The following PTN variants were observed in gnomAD, a reference collection of about 807,000 sequenced individuals.
The protein encoded by PTN is heparin affin regulatory protein.
Under a neutral mutation model 24.1 loss-of-function variants are expected in PTN, and 18 were observed. The ratio of observed to expected loss-of-function variants is 0.75; its 90% CI spans 0.52 to 1.11. The LOEUF is 1.11. Among genes scored for constraint, PTN ranks in the 50% least tolerant of loss-of-function variants. The pLI is 0.00. For missense variants in PTN, 163 were observed against 198.8 expected (o/e 0.82, Z 1.08); for synonymous variants, 78 against 68.6 (o/e 1.14, Z -0.67).
At position 137,253,444 on chromosome 7, in the gene PTN, C is replaced by T. The variant is rs192322475; in HGVS notation, c.289+20G>A. The T allele has an allele frequency of 1.9e-4, 308 of 1,583,228 alleles. 4 individuals are homozygous for T. The Admixed American group carries it at 5.3e-3, about 27-fold the overall frequency. On this transcript the variant is annotated intron_variant, in intron 3 of 4. Transcript: ENST00000348225. ...GAATTATCTCAGAGTAGGAGATTAA[C>T]TCAGTAGCATGAGGCTTACCGCCAA...
chr7:137,291,958 G>A (rs1005635338), intron 1 of PTN, among the ~76,000 whole-genome samples: 4 of 152,066 alleles, frequency 2.6e-5, no homozygotes, highest in African/African-American at 7.2e-5. Context: ...TAGATCCTTT[G>A]GCATCCTCCT....
intron 1 of PTN, among the ~76,000 whole-genome samples, chr7:137,296,766 T>C: frequency 6.6e-6 from 1 of 152,056 alleles, no homozygotes; most frequent in Non-Finnish European, 1.5e-5. Context: ...TAGCCCATAA[T>C]TGCACACTAG....
chr7:137,278,089 C>G (rs1354677084), intron 1 of PTN, among the ~76,000 whole-genome samples: 1 of 151,500 alleles, frequency 6.6e-6, no homozygotes, highest in Non-Finnish European at 1.5e-5. Context: ...GGGTGGATCA[C>G]GAGGTCAGGA....
At chr7:137,242,381 G>T (rs1563197036) in intron 4 of PTN, among the ~76,000 whole-genome samples, 1 of 152,178 alleles carries the variant, frequency 6.6e-6, no homozygotes, top group Non-Finnish European at 1.5e-5. Context: ...CAAGGATCTG[G>T]TAACAGCAGC....
intron 1 of PTN, among the ~76,000 whole-genome samples, chr7:137,277,023 A>G (rs569434554): frequency 4.1e-4 from 62 of 152,350 alleles, no homozygotes; most frequent in African/African-American, 1.4e-3. Context: ...TTATACAACT[A>G]TATGTTTACA....
chr7:137,236,586 T>C (rs1294517739), intron 4 of PTN, among the ~76,000 whole-genome samples: 1 of 152,128 alleles, frequency 6.6e-6, no homozygotes, highest in Non-Finnish European at 1.5e-5. Flanking sequence ...TAGACCACTC[T>C]CAAGATTTTA....
chr7:137,280,899 A>G (rs1464087824), intron 1 of PTN, among the ~76,000 whole-genome samples: 2 of 150,814 alleles, frequency 1.3e-5, no homozygotes, highest in African/African-American at 2.4e-5. Context: ...GGAAATTTTC[A>G]AAAAAATAAG....
At chr7:137,331,326 C>A (rs753726753) in intron 1 of PTN, among the ~76,000 whole-genome samples, 3 of 152,146 alleles carry the variant, frequency 2.0e-5, no homozygotes, top group African/African-American at 7.2e-5. Context: ...ATCTTCAAAT[C>A]CCCAGATATC....
intron 1 of PTN, among the ~76,000 whole-genome samples, chr7:137,311,888 C>A (rs1269114980): frequency 7.3e-6 from 1 of 137,642 alleles, no homozygotes; most frequent in African/African-American, 3.6e-5. Flanking sequence ...ACAAAGCGAC[C>A]ACATGCTGTT....
rs575939374 is a variant in PTN at position 137,275,441 on chromosome 7, A to G, written c.-1-20467T>C. Among the ~76,000 whole-genome samples the G allele has an allele frequency of 5.9e-5, 9 of 152,346 alleles. No individual in the cohort carries two copies. In the East Asian group the frequency reaches 1.7e-3, roughly 29 times the overall value. ...TAATATCCCAAGTTATGAGGGAGATACAGATGGGAATTACATGTGATATTA... is the reference window on the plus strand; with the variant it reads ...TAATATCCCAAGTTATGAGGGAGATGCAGATGGGAATTACATGTGATATTA... On this transcript the variant is annotated intron_variant, in intron 1 of 4. Transcript: ENST00000348225.
intron 1 of PTN, among the ~76,000 whole-genome samples, chr7:137,308,799 G>A (rs1809931368): frequency 6.6e-6 from 1 of 152,050 alleles, no homozygotes; most frequent in African/African-American, 2.4e-5. Context: ...TATTAAGCAG[G>A]GACAGGAAGA....
At chr7:137,261,084 T>G (rs1220319645) in intron 1 of PTN, among the ~76,000 whole-genome samples, 1 of 152,156 alleles carries the variant, frequency 6.6e-6, no homozygotes, top group South Asian at 2.1e-4. Flanking sequence ...TCACTTTTTC[T>G]TTTTTTAATG....
At chr7:137,261,779 T>TAAC (rs1809042873) in intron 1 of PTN, among the ~76,000 whole-genome samples, 1 of 152,210 alleles carries the variant, frequency 6.6e-6, no homozygotes, top group African/African-American at 2.4e-5. Flanking sequence ...AATCTAGTGC[T>TAAC]AACAACAGGC....
chr7:137,326,181 T>C (rs950457249), intron 1 of PTN: 7 of 151,926 alleles, frequency 4.6e-5, no homozygotes, highest in Admixed American at 1.3e-4. Context: ...CTCCCAGGCA[T>C]TGAGGGTGTC....
intron 1 of PTN, among the ~76,000 whole-genome samples, chr7:137,284,249 C>T (rs1056052704): frequency 6.6e-6 from 1 of 151,984 alleles, no homozygotes; most frequent in Non-Finnish European, 1.5e-5. Context: ...AGCCACCGCG[C>T]CGGGCCGAGC....
intron 1 of PTN, among the ~76,000 whole-genome samples, chr7:137,342,317 A>G (rs535106862): frequency 1.3e-5 from 2 of 152,156 alleles, no homozygotes; most frequent in South Asian, 4.1e-4. Context: ...ACGCACACAC[A>G]CACATCACCC....
In PTN at chr7:137,281,962, A is replaced by C. The variant is rs1018271358; in HGVS notation, c.-1-26988T>G. ...ATTTAAGTAACCTGCCTAAGATTAC[A>C]AAGTGTTAGAAACAGGGTTTGAACT... On this transcript the variant is annotated intron_variant, in intron 1 of 4. Coordinates refer to ENST00000348225, the MANE Select transcript of PTN (RefSeq NM_002825.7). Among the ~76,000 whole-genome samples the C allele has an allele frequency of 2.6e-5, 4 of 152,258 alleles. No homozygotes were observed. The East Asian group carries it at 7.7e-4, about 29-fold the overall frequency.
chr7:137,261,006 C>A (rs918213463), intron 1 of PTN, among the ~76,000 whole-genome samples: 7 of 151,690 alleles, frequency 4.6e-5, no homozygotes, highest in African/African-American at 1.7e-4. Flanking sequence ...ATGCTTGATT[C>A]TTTCCTTTTA....
At chr7:137,298,871 A>G (rs532403902) in intron 1 of PTN, among the ~76,000 whole-genome samples, 21 of 152,070 alleles carry the variant, frequency 1.4e-4, no homozygotes, top group Admixed American at 6.6e-4. Context: ...GAGAAATTAC[A>G]TGTCTTTAGG....
Sources: allele counts gnomAD v4.1 joint callset (sites outside exome capture counted in the v4.1 genomes callset), GRCh38; gene constraint gnomAD v4.1.1; transcripts MANE v1.5; gene names NCBI Gene and HGNC (gene_info 2026-07-23, HGNC 2026-07-21).